The following RUNX2 variants were observed in gnomAD, a reference collection of about 807,000 sequenced individuals.
RUNX2 encodes the protein runt-related transcription factor 2.
Under a neutral mutation model 51.7 loss-of-function variants are expected in RUNX2, and 10 were observed. The observed-to-expected ratio is 0.19, with a 90% CI of 0.12 to 0.33. The LOEUF (loss-of-function observed/expected upper bound fraction) is 0.33, where lower values mean the gene tolerates loss of function less well. RUNX2 is among the 10% of genes least tolerant of loss of function. The pLI, the probability that RUNX2 is intolerant of heterozygous loss-of-function variation, is 1.00. For synonymous variants in RUNX2, 276 were observed against 273.6 expected, an observed-to-expected ratio of 1.01 and a Z score of -0.09; for missense variants, 562 against 691.3, an observed-to-expected ratio of 0.81 and a Z score of 2.10.
intron 4 of RUNX2, among the ~76,000 whole-genome samples, chr6:45,436,388 T>C (rs1798686485): frequency 6.6e-6 from 1 of 152,164 alleles, no homozygotes; most frequent in South Asian, 2.1e-4. Context: ...CTTGGGTAAA[T>C]TACTAAGTCT....
intron 7 of RUNX2, among the ~76,000 whole-genome samples, chr6:45,516,471 G>A (rs1801324464): frequency 6.6e-6 from 1 of 152,224 alleles, no homozygotes; most frequent in Non-Finnish European, 1.5e-5. Flanking sequence ...TGATGTTACA[G>A]TGCAGAAGAC....
intron 6 of RUNX2, among the ~76,000 whole-genome samples, chr6:45,500,461 T>A (rs188488363): frequency 1.2e-4 from 18 of 152,148 alleles, no homozygotes; most frequent in Non-Finnish European, 8.8e-5. Context: ...AAAGACAAGA[T>A]TTAACGGAAG....
intron 2 of RUNX2, among the ~76,000 whole-genome samples, chr6:45,360,999 A>C (rs1483852741): frequency 6.6e-6 from 1 of 152,190 alleles, no homozygotes; most frequent in African/African-American, 2.4e-5. Context: ...TTAGCTGGGC[A>C]CAGTGGCACA....
intron 2 of RUNX2, among the ~76,000 whole-genome samples, chr6:45,405,645 C>T (rs183651134): frequency 1.5e-3 from 228 of 152,102 alleles, no homozygotes; most frequent in African/African-American, 5.3e-3. Context: ...AAAAATTAGC[C>T]GGGCGGTGGT....
At chr6:45,367,259 A>T (rs1223079907) in intron 2 of RUNX2, among the ~76,000 whole-genome samples, 1 of 152,164 alleles carries the variant, frequency 6.6e-6, no homozygotes. Flanking sequence ...GAGCACAAAA[A>T]GCGAAGGAAA....
At chr6:45,437,898 A>C (rs1266527089) in intron 4 of RUNX2, 49 bp from the exon 5 acceptor site, 1 of 1,335,848 alleles carries the variant, frequency 7.5e-7, no homozygotes, top group African/African-American at 1.4e-5. Flanking sequence ...GTAATCATCA[A>C]CACTGTTTTT....
chr6:45,359,140 A>C (rs1793793041), intron 2 of RUNX2, among the ~76,000 whole-genome samples: 2 of 152,182 alleles, frequency 1.3e-5, no homozygotes, highest in Admixed American at 1.3e-4. Flanking sequence ...TCATGAGAGA[A>C]TTGATAGTAA....
chr6:45,453,021 C>T (rs1489686072), intron 5 of RUNX2, among the ~76,000 whole-genome samples: 1 of 152,208 alleles, frequency 6.6e-6, no homozygotes, highest in Admixed American at 6.5e-5. Context: ...CCACTGCCCT[C>T]CTTTCTTCAT....
chr6:45,367,831 T>G (rs895905199), intron 2 of RUNX2, among the ~76,000 whole-genome samples: 6 of 152,180 alleles, frequency 3.9e-5, no homozygotes, highest in African/African-American at 1.4e-4. Context: ...GATCATCCTT[T>G]CACAGTCAAG....
intron 5 of RUNX2, 66 bp downstream of exon 5, chr6:45,438,117 C>A: frequency 9.9e-7 from 1 of 1,013,976 alleles, no homozygotes; most frequent in Non-Finnish European, 1.6e-6. Flanking sequence ...GGAATTTATT[C>A]CAAATGAGTT....
chr6:45,334,775 A>G (rs1034316997), intron 2 of RUNX2, among the ~76,000 whole-genome samples: 11 of 144,794 alleles, frequency 7.6e-5, no homozygotes, highest in African/African-American at 2.5e-4. Context: ...AAAATTGTAA[A>G]TTATGTAACT....
chr6:45,506,557 A>G (rs1800973986), intron 6 of RUNX2, among the ~76,000 whole-genome samples: 1 of 152,242 alleles, frequency 6.6e-6, no homozygotes, highest in Non-Finnish European at 1.5e-5. Flanking sequence ...TAATATAGTA[A>G]TTAAAATAAT....
chr6:45,477,899 T>C (rs890470575), intron 5 of RUNX2, among the ~76,000 whole-genome samples: 2 of 152,160 alleles, frequency 1.3e-5, no homozygotes, highest in African/African-American at 4.8e-5. Flanking sequence ...GGTGGCACAC[T>C]GACAAGGCCC....
intron 2 of RUNX2, among the ~76,000 whole-genome samples, chr6:45,381,279 G>T (rs1234431563): frequency 6.6e-6 from 1 of 152,196 alleles, no homozygotes; most frequent in Non-Finnish European, 1.5e-5. Context: ...TCTGTGGAAT[G>T]AGATGATAGA....
chr6:45,516,029 A>T (rs931661245), intron 7 of RUNX2, among the ~76,000 whole-genome samples: 9 of 152,210 alleles, frequency 5.9e-5, no homozygotes, highest in Admixed American at 1.3e-4. Flanking sequence ...ACCTTTCTTT[A>T]TTAGTATCCT....
intron 7 of RUNX2, among the ~76,000 whole-genome samples, chr6:45,515,097 C>T (rs966716978): frequency 1.3e-5 from 2 of 152,094 alleles, no homozygotes; most frequent in South Asian, 4.1e-4. Context: ...TACAGGCAGT[C>T]CTGTGGTCTC....
intron 7 of RUNX2, among the ~76,000 whole-genome samples, chr6:45,516,156 A>T (rs1321699246): frequency 6.6e-6 from 1 of 152,212 alleles, no homozygotes; most frequent in African/African-American, 2.4e-5. Flanking sequence ...TTTGGAAGGA[A>T]GGTATAAACA....
chr6:45,349,159 C>T (rs1791522954), intron 2 of RUNX2, among the ~76,000 whole-genome samples: 1 of 152,102 alleles, frequency 6.6e-6, no homozygotes, highest in Non-Finnish European at 1.5e-5. Flanking sequence ...CTAGGGACAA[C>T]TACACTAGAG....
intron 3 of RUNX2, among the ~76,000 whole-genome samples, chr6:45,429,427 T>A (rs559236165): frequency 2.6e-5 from 4 of 152,336 alleles, no homozygotes; most frequent in Non-Finnish European, 5.9e-5. Context: ...ATTTTTGGCA[T>A]GGTGAATTTG....
Sources: allele counts gnomAD v4.1 joint callset (sites outside exome capture counted in the v4.1 genomes callset), GRCh38; gene constraint gnomAD v4.1.1; transcripts MANE v1.5; gene names NCBI Gene and HGNC (gene_info 2026-07-23, HGNC 2026-07-21).